Variants in A4GALT observed in about 807,000 individuals in gnomAD.
The protein encoded by A4GALT is alpha 1,4-galactosyltransferase (P1PK blood group), also known as lactosylceramide 4-alpha-galactosyltransferase.
For missense variants in A4GALT, 512 were observed against 486.0 expected (o/e 1.05, Z -0.50); for synonymous variants, 257 against 220.7 (o/e 1.16, Z -1.46).
chr22:42,704,087 C>A (rs1920950957), intron 1 of A4GALT, among the ~76,000 whole-genome samples: 1 of 152,134 alleles, frequency 6.6e-6, no homozygotes, highest in African/African-American at 2.4e-5. Flanking sequence ...GTGTCCTGTT[C>A]CCCATCCCTA....
chr22:42,702,368 T>C (rs900579509), intron 1 of A4GALT, among the ~76,000 whole-genome samples: 1 of 143,668 alleles, frequency 7.0e-6, no homozygotes. Context: ...ACAGATGGAG[T>C]CTTGCTCTGT....
chr22:42,715,508 GC>G (rs1206211565), intron 1 of A4GALT, among the ~76,000 whole-genome samples: 3 of 152,032 alleles, frequency 2.0e-5, no homozygotes, highest in African/African-American at 7.2e-5. Flanking sequence ...GATCACTTGA[GC>G]CCAGGAGCTC....
rs28915381 is a variant in A4GALT, at chr22:42,693,652, C to G, written c.300G>C (p.Ser100=). 3.1e-3 allele frequency: 5,032 copies of G among 1,612,150 alleles called. 62 individuals are homozygous for G. In the African/African-American group the frequency reaches 0.044, roughly 14 times the overall value. Residue 100 remains serine (S), a synonymous_variant, in exon 3 of 3, where the codon TCG becomes TCC. Coordinates refer to ENST00000642412, the MANE Select transcript of A4GALT (RefSeq NM_017436.7). ...GGGATTCGGGGTGAGTTCTGGCGGC[C>G]GACTCCACCGAGCACATGAACAGGA... ...PNFLFMCSVE[S]AARTHPESHV...
chr22:42,699,948 C>A (rs931104069), intron 1 of A4GALT, among the ~76,000 whole-genome samples: 1 of 152,208 alleles, frequency 6.6e-6, no homozygotes, highest in Admixed American at 6.5e-5. Context: ...CGTTCTCCTG[C>A]CTCACTGCTG....
chr22:42,702,732 G>A lies in A4GALT; in HGVS notation c.-187-7101C>T, dbSNP rs140635929. Among the ~76,000 whole-genome samples the A allele has an allele frequency of 8.1e-3, 1,040 of 128,078 alleles. 73 individuals are homozygous for A. Among genetic ancestry groups the A allele is most frequent in the Non-Finnish European group, 7.3e-3 (446 of 61,234 alleles). 84.0% of individuals were successfully genotyped at this position (128,078 alleles called of 152,430 possible). On this transcript the variant is annotated intron_variant, in intron 1 of 2. Coordinates refer to ENST00000642412, the MANE Select transcript of A4GALT (RefSeq NM_017436.7). ...AACTGGGTGGTTTTGGGGAGGGGAC[G>A]TAGTGGGAGACAAAGGGTCCGGAGC...
rs534493030 is a variant in A4GALT at position 42,706,231 on chromosome 22, T to C, written c.-187-10600A>G. 3.8e-3 allele frequency among the ~76,000 whole-genome samples: 567 copies of C among 149,710 alleles called. 11 individuals are homozygous for C. The highest frequency in any genetic ancestry group is 0.014 in the African/African-American group (550 of 40,434). ...TTAGCCAGGCGTGGTGGCGGGCACC[T>C]ATAGTCCCAGTTACTCGGGAGGCTG... On this transcript the variant is annotated intron_variant, in intron 1 of 2. Transcript: ENST00000642412.
At chr22:42,715,966 G>A (rs1291569022) in intron 1 of A4GALT, among the ~76,000 whole-genome samples, 1 of 152,054 alleles carries the variant, frequency 6.6e-6, no homozygotes, top group East Asian at 1.9e-4. Context: ...CTGAGTAGGT[G>A]GGATTACAGG....
Position 42,693,089 on chromosome 22 carries a change from G to C in A4GALT, c.863C>G (p.Pro288Arg). Residue 288 changes from proline (P) to arginine (R), a missense_variant, in exon 3 of 3, where the codon CCC (proline) becomes CGC (arginine). By Grantham distance (103) the Pro-to-Arg change is moderately radical. Coordinates refer to ENST00000642412, the MANE Select transcript of A4GALT (RefSeq NM_017436.7). The part of the protein sequence containing the change: ...TLPPEAFYPI[P>R]WQDWKKYFED... ...AAAGTACTTCTTCCAGTCCTGCCAG[G>C]GGATGGGGTAGAAGGCCTCAGGGGG... 4 of 1,613,090 alleles carry C rather than the reference G, an allele frequency of 2.5e-6. No individual in the cohort carries two copies. Among genetic ancestry groups the C allele is most frequent in the Non-Finnish European group, 3.4e-6 (4 of 1,179,746 alleles).
chr22:42,703,182 T>C (rs1280796828), intron 1 of A4GALT, among the ~76,000 whole-genome samples: 1 of 149,070 alleles, frequency 6.7e-6, no homozygotes, highest in Non-Finnish European at 1.5e-5. Flanking sequence ...GGGCAGAGAC[T>C]AGGCCCAGCC....
At chr22:42,701,368 C>T (rs764586263) in intron 1 of A4GALT, among the ~76,000 whole-genome samples, 1 of 152,160 alleles carries the variant, frequency 6.6e-6, no homozygotes, top group Non-Finnish European at 1.5e-5. Context: ...CAGACTCAGA[C>T]AGGAGCCCGA....
At chr22:42,714,557 C>T (rs563300776) in intron 1 of A4GALT, among the ~76,000 whole-genome samples, 1 of 151,524 alleles carries the variant, frequency 6.6e-6, no homozygotes, top group South Asian at 2.1e-4. Context: ...GAGCAAGGTC[C>T]TGTCTCAAAA....
At chr22:42,720,507 C>A (rs1461679054) in intron 1 of A4GALT, among the ~76,000 whole-genome samples, 2 of 152,156 alleles carry the variant, frequency 1.3e-5, no homozygotes, top group Non-Finnish European at 2.9e-5. Flanking sequence ...GGTGGGGCTG[C>A]CCTCGAGGGC....
Position 42,719,888 on chromosome 22 carries a change from CAG to C in A4GALT, c.-188+907_-188+908del, listed in dbSNP as rs1454691755. Among the ~76,000 whole-genome samples, 5 of 152,130 alleles carry C rather than the reference CAG, an allele frequency of 3.3e-5. No homozygotes were observed. In the South Asian group the frequency reaches 1.0e-3, roughly 31 times the overall value. ...GACGTTGGCGGAGGGGAGGAAGCCG[CAG>C]AGAGGGTGTCGTGAGGGAAAGGTGG... On this transcript the variant is annotated intron_variant, in intron 1 of 2. Coordinates refer to ENST00000642412, the MANE Select transcript of A4GALT (RefSeq NM_017436.7).
At chr22:42,714,157 C>A (rs1383798904) in intron 1 of A4GALT, among the ~76,000 whole-genome samples, 1 of 151,368 alleles carries the variant, frequency 6.6e-6, no homozygotes, top group East Asian at 1.9e-4. Flanking sequence ...GGGTGGTAGT[C>A]CTAGCTATTC....
intron 1 of A4GALT, among the ~76,000 whole-genome samples, chr22:42,717,551 C>T (rs1922302939): frequency 6.6e-6 from 1 of 152,158 alleles, no homozygotes; most frequent in South Asian, 2.1e-4. Context: ...ACTGCATCCT[C>T]CCACCTCCTC....
intron 1 of A4GALT, among the ~76,000 whole-genome samples, chr22:42,707,393 T>C (rs7286195): frequency 0.35 from 53,949 of 152,048 alleles, 10,504 homozygotes; most frequent in South Asian, 0.45. Context: ...TGGTGGCTCA[T>C]GCCTGTAATC....
intron 1 of A4GALT, chr22:42,718,406 C>A (rs1922384208): frequency 6.6e-6 from 1 of 151,892 alleles, no homozygotes; most frequent in South Asian, 2.1e-4. Context: ...GGATTGCAGG[C>A]ACGTGCCACC....
intron 1 of A4GALT, chr22:42,718,457 G>T (rs1602032361): frequency 6.8e-6 from 1 of 147,838 alleles, no homozygotes; most frequent in Non-Finnish European, 1.5e-5. Flanking sequence ...GAGATGGGGG[G>T]TTTCACCAAG....
At position 42,692,216 on chromosome 22, in the gene A4GALT, A is replaced by G. The variant is rs1368583777; in HGVS notation, c.*674T>C. 5.4e-6 allele frequency: 1 copy of G among 185,494 alleles called. No homozygotes were observed. The highest frequency in any genetic ancestry group is 2.4e-5 in the African/African-American group (1 of 42,380). 11.5% of individuals were successfully genotyped at this position (185,494 alleles called of 1,614,324 possible). On this transcript the variant is annotated 3_prime_UTR_variant, in exon 3 of 3. Transcript: ENST00000642412. This position sits in a 1 kb window ranked among gnomAD's most constrained non-coding sequence, Gnocchi z 4.6. ...TCTTTAAAATGCTTCTCCTGAGCCT[A>G]AAGAGCCTCCCCACCCAGCCCCTGT...
Sources: gnomAD v4.1 joint callset for allele counts (sites outside exome capture counted in the v4.1 genomes callset) on GRCh38, gnomAD v4.1.1 for gene constraint, Gnocchi (gnomAD v3.1) non-coding constraint, MANE v1.5 for transcripts, NCBI Gene and HGNC (gene_info 2026-07-23, HGNC 2026-07-21) for gene names.